The following MUC3A variants were observed in gnomAD, a reference collection of about 807,000 sequenced individuals.
The protein encoded by MUC3A is mucin 3A, cell surface associated, also known as mucin-3A.
In MUC3A, 109 loss-of-function variants were observed where a neutral mutation model predicts 109.0. That is an observed-to-expected ratio of 1.00 (90% CI 0.86 to 1.17). The LOEUF (loss-of-function observed/expected upper bound fraction) is 1.17, where lower values mean the gene tolerates loss of function less well. Ranked by LOEUF, MUC3A falls within the 50% of genes most tolerant of loss-of-function variation. The pLI is 0.00. For synonymous variants in MUC3A, 1,398 were observed against 981.4 expected (o/e 1.42, Z -7.93); for missense variants, 3,537 against 2,469.4 (o/e 1.43, Z -9.16).
At chr7:100,963,902 G>C (rs1792430321) in intron 5 of MUC3A, 150 bp downstream of exon 5, 1 of 1,131,040 alleles carries the variant, frequency 8.8e-7, no homozygotes, top group Non-Finnish European at 1.3e-6. Flanking sequence ...TATTTTTTCG[G>C]ATCGTTTTCT....
At position 100,959,932 on chromosome 7, in the gene MUC3A, G is replaced by T. The variant is rs745836869; in HGVS notation, c.8153G>T (p.Ser2718Ile). ...HSVPSSPYIFSTENVGSASIT... is the reference protein window; with the variant it reads ...HSVPSSPYIFITENVGSASIT... ...GTTCCTTCTTCACCATACATTTTCA[G>T]TACAGAAAATGTGGGCTCCGCTTCT... Residue 2718 changes from serine (S) to isoleucine (I), a missense_variant, in exon 2 of 12, where the codon AGT (serine) becomes ATT (isoleucine). Transcript: ENST00000379458. 6.6e-7 allele frequency: 1 copy of T among 1,512,034 alleles called. No homozygotes were observed. Among genetic ancestry groups the T allele is most frequent in the Non-Finnish European group, 8.8e-7 (1 of 1,141,312 alleles). The allele number at this position is 1,512,034 out of a possible 1,614,324, so 93.7% of individuals were successfully genotyped here.
In MUC3A at chr7:100,960,771, C is replaced by T. The variant is rs533986620; in HGVS notation, c.8886C>T (p.Gly2962=). 11 of 1,597,858 alleles carry T rather than the reference C, an allele frequency of 6.9e-6. No homozygotes were observed. The East Asian group carries it at 8.9e-5, about 13-fold the overall frequency. The part of the protein sequence containing the change: ...TTTAGTCDNG[G]TWEQGQCACL... ...TTCCAGGCACCTGTGACAATGGTGG[C>T]ACCTGGGAACAGGGCCAGTGTGCTT... Residue 2962 remains glycine (G), a synonymous_variant, in exon 3 of 12, where the codon GGC becomes GGT. Transcript: ENST00000379458.
chr7:100,958,719 A>G lies in MUC3A; in HGVS notation c.6940A>G (p.Thr2314Ala). 2.1e-6 allele frequency: 3 copies of G among 1,457,098 alleles called. No individual in the cohort carries two copies. The highest frequency in any genetic ancestry group is 1.8e-6 in the Non-Finnish European group (2 of 1,086,966). The allele number at this position is 1,457,098 out of a possible 1,614,324, so 90.3% of individuals were successfully genotyped here. The stretch of plus-strand genomic sequence containing the variant: ...CAGCTTCACTTCTTCGATCACCACC[A>G]CGGAGACCACCTCACACAGTGCTCA... ...TPSFTSSITTTETTSHSAHSF... is the reference protein window; with the variant it reads ...TPSFTSSITTAETTSHSAHSF... The change falls in exon 2 of 12, where the codon ACG (threonine) becomes GCG (alanine). Residue 2314 changes from threonine to alanine, a missense_variant. By Grantham distance (58) the Thr-to-Ala change is moderately conservative. Transcript: ENST00000379458.
intron 6 of MUC3A, 104 bp from the exon 7 acceptor site, chr7:100,965,178 C>G: frequency 6.6e-7 from 1 of 1,511,840 alleles, no homozygotes; most frequent in Non-Finnish European, 8.9e-7. Flanking sequence ...ACGGAGAGAG[C>G]CCTCACTGCC....
rs889020454 is a variant in MUC3A, at chr7:100,967,428, G to A, written c.*266G>A. 3.3e-6 allele frequency: 2 copies of A among 604,118 alleles called. No individual in the cohort carries two copies. The highest frequency in any genetic ancestry group is 2.9e-5 in the Admixed American group (1 of 33,934). The allele number at this position is 604,118 out of a possible 1,614,324, so 37.4% of individuals were successfully genotyped here. ...CCTCAGTTTCCTCACCTGCAAAACG[G>A]GTACAGCATTCCTGTATGATAGCTC... is the stretch of plus-strand genomic sequence containing the variant. On this transcript the variant is annotated 3_prime_UTR_variant, in exon 12 of 12. Coordinates refer to ENST00000379458, the MANE Select transcript of MUC3A (RefSeq NM_005960.2).
In MUC3A at chr7:100,963,578, C is replaced by G. The variant is rs1011555995; in HGVS notation, c.9169-110C>G. On this transcript the variant is annotated intron_variant, in intron 4 of 11. Transcript: ENST00000379458. ...GGGATTACAGGCGTGAGCCACGGCA[C>G]CCGGCCGGGGAGGGGAATTGAAGGG... 3 of 1,535,634 alleles carry G rather than the reference C, an allele frequency of 2.0e-6. No homozygotes were observed. The African/African-American group carries it at 4.1e-5, about 21-fold the overall frequency.
At chr7:100,961,047 T>A (rs1015820877) in intron 3 of MUC3A, 110 bp downstream of exon 3, 3 of 1,562,314 alleles carry the variant, frequency 1.9e-6, no homozygotes, top group Non-Finnish European at 2.6e-6. Flanking sequence ...TTTTGCCCGG[T>A]CCTTCCCTCC....
Position 100,960,433 on chromosome 7 carries a change from G to T in MUC3A, c.8654G>T (p.Gly2885Val). The T allele has an allele frequency of 6.3e-7, 1 of 1,598,582 alleles. No individual in the cohort carries two copies. The highest frequency in any genetic ancestry group is 8.5e-7 in the Non-Finnish European group (1 of 1,179,822). Residue 2885 changes from glycine to valine, a missense_variant, in exon 2 of 12, where the codon GGC (glycine) becomes GTC (valine). Transcript: ENST00000379458. ...NSSVIPLPLPGVSTIPLTMKP... is the reference protein window; with the variant it reads ...NSSVIPLPLPVVSTIPLTMKP... Reference sequence around the variant, plus strand: ...TCTGTGATCCCCCTACCTCTTCCTGGCGTCTCTACCATCCCGCTCACCATG... The same window carrying T: ...TCTGTGATCCCCCTACCTCTTCCTGTCGTCTCTACCATCCCGCTCACCATG...
intron 7 of MUC3A, 69 bp from the exon 8 acceptor site, chr7:100,965,635 C>T (rs1270009200): frequency 3.8e-5 from 59 of 1,544,762 alleles, no homozygotes; most frequent in Admixed American, 2.4e-4. Flanking sequence ...TTCAGAGGCA[C>T]CGTTATCAGG....
chr7:100,967,066 C>G (rs1792611423), intron 11 of MUC3A, 55 bp from the exon 12 acceptor site: 57 of 1,598,362 alleles, frequency 3.6e-5, no homozygotes, highest in Non-Finnish European at 4.7e-5. Context: ...AGTGACCTCC[C>G]TGTCAGCCCA....
In MUC3A at chr7:100,967,101, C is replaced by T; in HGVS notation, c.9931-20C>T. On this transcript the variant is annotated intron_variant, in intron 11 of 11. Transcript: ENST00000379458. ...AAACCAGTGGCTCCGCGTTCCCGTCCCTCACTGTGACTCTGACAGGTGCAC... is the reference window on the plus strand; with the variant it reads ...AAACCAGTGGCTCCGCGTTCCCGTCTCTCACTGTGACTCTGACAGGTGCAC... The T allele has an allele frequency of 3.1e-6, 5 of 1,598,542 alleles. No individual in the cohort carries two copies. The African/African-American group carries it at 4.0e-5, about 13-fold the overall frequency.
In MUC3A at chr7:100,960,032, T is replaced by TCTCA; in HGVS notation, c.8256_8259dup (p.Glu2754HisfsTer2). The TCTCA allele has an allele frequency of 6.6e-7, 1 of 1,509,740 alleles. No homozygotes were observed. The highest frequency in any genetic ancestry group is 8.8e-7 in the Non-Finnish European group (1 of 1,140,516). 93.5% of individuals were successfully genotyped at this position (1,509,740 alleles called of 1,614,324 possible). A position where few individuals can be genotyped will look rare whatever the true frequency, so the allele number is the denominator to read the frequency against. On this transcript the variant is annotated frameshift_variant, in exon 2 of 12. Coordinates refer to ENST00000379458, the MANE Select transcript of MUC3A (RefSeq NM_005960.2). LOFTEE classifies it high-confidence loss of function. ...CAACCAGCTCCTCTCTGACCACAGC[T>TCTCA]CTCACTGAAATAACCCCCTTTTCTT...
rs997796320 is a variant in MUC3A, at chr7:100,952,495, C to G, written c.716C>G (p.Thr239Ser). The G allele has an allele frequency of 6.3e-7, 1 of 1,598,382 alleles. No individual in the cohort carries two copies. The highest frequency in any genetic ancestry group is 8.5e-7 in the Non-Finnish European group (1 of 1,179,752). The change falls in exon 2 of 12, where the codon ACC (threonine) becomes AGC (serine). Residue 239 changes from threonine (T) to serine (S), a missense_variant. Coordinates refer to ENST00000379458, the MANE Select transcript of MUC3A (RefSeq NM_005960.2). ...TPLPTGSIHT[T>S]TSPTPVFTTL... is the part of the protein sequence containing the mutation. ...CTGCCCACTGGAAGCATCCATACAACCACGTCCCCAACCCCAGTATTTACT... is the reference window on the plus strand; with the variant it reads ...CTGCCCACTGGAAGCATCCATACAAGCACGTCCCCAACCCCAGTATTTACT...
At chr7:100,963,287 A>T (rs1293245687) in intron 4 of MUC3A, 21 bp downstream of exon 4, 882 of 1,347,132 alleles carry the variant, frequency 6.5e-4, no homozygotes, top group Non-Finnish European at 7.8e-4. Context: ...AAGAGAGGGG[A>T]TTTTTTTTTT....
Position 100,966,652 on chromosome 7 carries a change from G to C in MUC3A, c.9786G>C (p.Arg3262=), listed in dbSNP as rs1479500563. ...SGWWGGQRRG[R]SWDQDRKWFE... ...CTGACCGCGCGGCGGCCCCACCTAGGTCCTGGGACCAGGACAGGAAATGGT... is the reference window on the plus strand; with the variant it reads ...CTGACCGCGCGGCGGCCCCACCTAGCTCCTGGGACCAGGACAGGAAATGGT... Residue 3262 remains arginine, a splice_region_variant and synonymous_variant, in exon 10 of 12, where the codon CGG becomes CGC. Transcript: ENST00000379458. The C allele has an allele frequency of 6.3e-7, 1 of 1,598,526 alleles. No homozygotes were observed. Among genetic ancestry groups the C allele is most frequent in the East Asian group, 2.2e-5 (1 of 44,892 alleles).
Position 100,956,568 on chromosome 7 carries a change from A to AT in MUC3A, c.4789_4790insT (p.Thr1597IlefsTer33). 1.8e-5 allele frequency: 8 copies of AT among 446,600 alleles called. No individual in the cohort carries two copies. The highest frequency in any genetic ancestry group is 3.5e-4 in the Middle Eastern group (1 of 2,850). 27.7% of individuals were successfully genotyped at this position (446,600 alleles called of 1,614,324 possible). A position where few individuals can be genotyped will look rare whatever the true frequency, so the allele number is the denominator to read the frequency against. Reference sequence around the variant, plus strand: ...TTCATTACCTATGATGACAGACCTCACCTCAGTGTACACAGTCTCCAGCAT... The same window carrying AT: ...TTCATTACCTATGATGACAGACCTCATCCTCAGTGTACACAGTCTCCAGCAT... On this transcript the variant is annotated frameshift_variant, in exon 2 of 12. Transcript: ENST00000379458. LOFTEE classifies it high-confidence loss of function.
Position 100,968,004 on chromosome 7 carries a change from C to CTCCATTCCCCGTTTCTCT in MUC3A, c.*843_*844insCCATTCCCCGTTTCTCTT, listed in dbSNP as rs1792692110. The CTCCATTCCCCGTTTCTCT allele has an allele frequency of 9.0e-6, 1 of 111,056 alleles. No individual in the cohort carries two copies. Among genetic ancestry groups the CTCCATTCCCCGTTTCTCT allele is most frequent in the South Asian group, 2.8e-4 (1 of 3,596 alleles). The allele number at this position is 111,056 out of a possible 1,614,324, so 6.9% of individuals were successfully genotyped here. A position where few individuals can be genotyped will look rare whatever the true frequency, so the allele number is the denominator to read the frequency against. ...AGCTGCTGTTCCCCCCATCACCCTG[C>CTCCATTCCCCGTTTCTCT]TGCCCAATTCTTTATTCTCCACCCC... On this transcript the variant is annotated 3_prime_UTR_variant, in exon 12 of 12. Coordinates refer to ENST00000379458, the MANE Select transcript of MUC3A (RefSeq NM_005960.2).
Position 100,959,681 on chromosome 7 carries a change from A to T in MUC3A, c.7902A>T (p.Thr2634=), listed in dbSNP as rs1563069169. Residue 2634 remains threonine (T), a synonymous_variant, in exon 2 of 12, where the codon ACA becomes ACT. Transcript: ENST00000379458. ...CATCACAGGTTCCTATTCCTAGCAC[A>T]CATTCCTCCACCCTTCAAACAACTC... ...VSTSQVPIPS[T]HSSTLQTTPS... 10 of 1,598,524 alleles carry T rather than the reference A, an allele frequency of 6.3e-6. No individual in the cohort carries two copies. The highest frequency in any genetic ancestry group is 8.5e-6 in the Non-Finnish European group (10 of 1,179,800).
Position 100,957,715 on chromosome 7 carries a change from T to A in MUC3A, c.5936T>A (p.Ile1979Asn). ...AATACTCCCAGCCTCACTTCTTCAA[T>A]CACCACCACCAAGACCACCTCACAC... is the stretch of plus-strand genomic sequence containing the variant. Reference protein sequence around the residue: ...SHNTPSLTSSITTTKTTSHST... With the variant: ...SHNTPSLTSSNTTTKTTSHST... The change falls in exon 2 of 12, where the codon ATC becomes AAC. Residue 1979 changes from isoleucine (I) to asparagine (N), a missense_variant. By Grantham distance (149) the Ile-to-Asn change is moderately radical (BLOSUM62 -3). Coordinates refer to ENST00000379458, the MANE Select transcript of MUC3A (RefSeq NM_005960.2). 7.1e-7 allele frequency: 1 copy of A among 1,400,940 alleles called. No homozygotes were observed. The highest frequency in any genetic ancestry group is 1.0e-6 in the Non-Finnish European group (1 of 1,002,470). The allele number at this position is 1,400,940 out of a possible 1,614,324, so 86.8% of individuals were successfully genotyped here.
Sources: allele counts gnomAD v4.1 joint callset, GRCh38; gene constraint gnomAD v4.1.1; transcripts MANE v1.5; gene names NCBI Gene and HGNC (gene_info 2026-07-23, HGNC 2026-07-21).